The following CRYL1 variants were observed in gnomAD, a reference collection of about 807,000 sequenced individuals.
CRYL1 encodes the protein crystallin lambda 1.
CRYL1 carries 29 observed loss-of-function variants against 36.6 expected under a neutral mutation model. That is an observed-to-expected ratio of 0.79 (90% CI 0.59 to 1.08). CRYL1 has a LOEUF of 1.08. Among genes scored for constraint, CRYL1 ranks in the 50% least tolerant of loss-of-function variants. The probability of loss-of-function intolerance (pLI) is 0.00; values close to 1 mark genes in which losing one functional copy is unlikely to be tolerated. For synonymous variants in CRYL1, 152 were observed against 151.5 expected (o/e 1.00, Z -0.02); for missense variants, 411 against 407.9 (o/e 1.01, Z -0.06).
chr13:20,456,307 C>G (rs542694032), intron 3 of CRYL1, among the ~76,000 whole-genome samples: 31 of 151,618 alleles, frequency 2.0e-4, no homozygotes, highest in Admixed American at 5.3e-4. Context: ...AACCCTGTCT[C>G]TACTAGAAAT....
intron 3 of CRYL1, among the ~76,000 whole-genome samples, chr13:20,474,321 G>A (rs906652822): frequency 4.6e-5 from 7 of 152,172 alleles, no homozygotes; most frequent in Admixed American, 6.5e-5. Context: ...CAGCTCTCAC[G>A]CCCACCTGCC....
chr13:20,478,591 TC>T (rs986827958), intron 3 of CRYL1, among the ~76,000 whole-genome samples: 11 of 152,284 alleles, frequency 7.2e-5, no homozygotes, highest in African/African-American at 2.4e-4. Flanking sequence ...TCCTCCCACC[TC>T]AGCCTCCCAA....
chr13:20,413,334 G>A lies in CRYL1; in HGVS notation c.687C>T (p.Gly229=), dbSNP rs760977478. Residue 229 remains glycine (G), a synonymous_variant, in exon 6 of 8, where the codon GGC becomes GGT. Coordinates refer to ENST00000298248, the MANE Select transcript of CRYL1 (RefSeq NM_015974.3). ...DLDLVMSEGL[G]MRYAFIGPLE... is the part of the protein sequence containing the mutation. Reference sequence around the variant, plus strand: ...GGGGTCCAATGAATGCATACCGCATGCCCAACCCTTCTGACATGACAAGGT... The same window carrying A: ...GGGGTCCAATGAATGCATACCGCATACCCAACCCTTCTGACATGACAAGGT... 5.6e-6 allele frequency: 9 copies of A among 1,613,826 alleles called. 1 individual carries two copies. In the South Asian group the frequency reaches 7.7e-5, roughly 14 times the overall value.
chr13:20,454,709 G>A (rs982595657), intron 3 of CRYL1, among the ~76,000 whole-genome samples: 11 of 152,070 alleles, frequency 7.2e-5, no homozygotes, highest in Admixed American at 5.2e-4. Context: ...GTGAGCCACC[G>A]CACCCGACCC....
At chr13:20,524,867 G>T (rs920570018) in intron 1 of CRYL1, among the ~76,000 whole-genome samples, 1 of 152,036 alleles carries the variant, frequency 6.6e-6, no homozygotes, top group Non-Finnish European at 1.5e-5. Flanking sequence ...GTACACTGAT[G>T]GGGGGCGGAG....
chr13:20,464,165 C>A (rs2032886568), intron 3 of CRYL1, among the ~76,000 whole-genome samples: 2 of 152,108 alleles, frequency 1.3e-5, no homozygotes, highest in South Asian at 4.1e-4. Flanking sequence ...TAAATATGTT[C>A]GTTATACAAG....
At chr13:20,497,752 A>AC (rs2033638469) in intron 2 of CRYL1, among the ~76,000 whole-genome samples, 1 of 147,404 alleles carries the variant, frequency 6.8e-6, no homozygotes, top group Non-Finnish European at 1.5e-5. Context: ...AACTACACAC[A>AC]CATCTCATAT....
intron 1 of CRYL1, among the ~76,000 whole-genome samples, chr13:20,523,494 T>A (rs907420994): frequency 6.6e-6 from 1 of 152,184 alleles, no homozygotes; most frequent in Non-Finnish European, 1.5e-5. Flanking sequence ...AATTGAAATA[T>A]GTATATTTTG....
chr13:20,501,295 G>C (rs7325073), intron 2 of CRYL1, among the ~76,000 whole-genome samples: 132,594 of 152,202 alleles, frequency 0.87, 60,386 homozygotes, highest in East Asian at 1. Context: ...GAAACAGATT[G>C]AGTGAGTTAC....
rs189104055 is a variant in CRYL1 at position 20,432,216 on chromosome 13, G to A, written c.519C>T (p.His173=). The part of the protein sequence containing the change: ...ETAPTTVDRT[H]ALMKKIGQCP... ...ACTGTCCAATCTTCTTCATCAGGGC[G>A]TGGGTTCTGTCCACTGTCGTAGGGG... Residue 173 remains histidine, a synonymous_variant, in exon 5 of 8, where the codon CAC becomes CAT. Transcript: ENST00000298248. 5.4e-4 allele frequency: 866 copies of A among 1,613,940 alleles called. 3 individuals carry two copies. The highest frequency in any genetic ancestry group is 6.9e-4 in the Non-Finnish European group (818 of 1,179,986).
chr13:20,439,969 A>G (rs370843743), intron 3 of CRYL1: 10 of 471,348 alleles, frequency 2.1e-5, no homozygotes, highest in African/African-American at 3.9e-5. Context: ...AAAGCAAGCC[A>G]TAAAAGAATT....
At chr13:20,483,251 AC>A (rs545146614) in intron 3 of CRYL1, among the ~76,000 whole-genome samples, 1 of 152,352 alleles carries the variant, frequency 6.6e-6, no homozygotes, top group African/African-American at 2.4e-5. Context: ...CCGGGATTTT[AC>A]CATGACACAC....
intron 5 of CRYL1, chr13:20,426,928 T>G: frequency 2.0e-6 from 2 of 985,544 alleles, no homozygotes; most frequent in Non-Finnish European, 2.4e-6. Context: ...GATGACATCA[T>G]TCCGAAGGAC....
rs115786478 is a variant in CRYL1, at chr13:20,435,959, C to G, written c.438+3634G>C. On this transcript the variant is annotated intron_variant, in intron 4 of 7. Transcript: ENST00000298248. The surrounding 1 kb of genome is among the most constrained non-coding windows in gnomAD (Gnocchi z 4.0). ...CGGCGGCGCGCTCGCAGGGAGGGCT[C>G]AAAGGCAGCTCGGAGCGGCCGCAGG... Among the ~76,000 whole-genome samples the G allele has an allele frequency of 6.6e-6, 1 of 152,322 alleles. No homozygotes were observed. The highest frequency in any genetic ancestry group is 2.4e-5 in the African/African-American group (1 of 41,588).
At chr13:20,467,017 G>A (rs1183723887) in intron 3 of CRYL1, among the ~76,000 whole-genome samples, 2 of 151,052 alleles carry the variant, frequency 1.3e-5, no homozygotes, top group African/African-American at 4.9e-5. Flanking sequence ...GTGTGATCTT[G>A]GCTCACTGGA....
At chr13:20,452,380 G>A (rs1435944297) in intron 3 of CRYL1, among the ~76,000 whole-genome samples, 1 of 152,136 alleles carries the variant, frequency 6.6e-6, no homozygotes, top group East Asian at 1.9e-4. Flanking sequence ...AAAGAAACCT[G>A]CTGTTGCTAT....
In CRYL1 at chr13:20,435,120, G is replaced by A. The variant is rs537282311; in HGVS notation, c.439-2824C>T. On this transcript the variant is annotated intron_variant, in intron 4 of 7. Coordinates refer to ENST00000298248, the MANE Select transcript of CRYL1 (RefSeq NM_015974.3). The surrounding 1 kb of genome is among the most constrained non-coding windows in gnomAD (Gnocchi z 4.0). ...AGGTTCAGTCTTATAAGAGGAGAAA[G>A]TTCCATGGATTGTTGGTGGTGGTGG... is the stretch of plus-strand genomic sequence containing the variant. Among the ~76,000 whole-genome samples, 1 of 152,312 alleles carries A rather than the reference G, an allele frequency of 6.6e-6. No individual in the cohort carries two copies. The highest frequency in any genetic ancestry group is 1.9e-4 in the East Asian group (1 of 5,180).
chr13:20,466,401 A>C (rs895523100), intron 3 of CRYL1, among the ~76,000 whole-genome samples: 2 of 152,248 alleles, frequency 1.3e-5, no homozygotes, highest in African/African-American at 4.8e-5. Context: ...ATATTAAAGG[A>C]TTTAGCATCT....
At chr13:20,504,223 T>C (rs1226626062) in intron 2 of CRYL1, among the ~76,000 whole-genome samples, 1 of 152,010 alleles carries the variant, frequency 6.6e-6, no homozygotes, top group African/African-American at 2.4e-5. Context: ...TCTTAAGAAC[T>C]AAAACACTCC....
Sources: allele counts gnomAD v4.1 joint callset (sites outside exome capture counted in the v4.1 genomes callset), GRCh38; gene constraint gnomAD v4.1.1; non-coding constraint Gnocchi (gnomAD v3.1); transcripts MANE v1.5; gene names NCBI Gene and HGNC (gene_info 2026-07-23, HGNC 2026-07-21).